The following LOC128092253 variants were observed in gnomAD, a reference collection of about 807,000 sequenced individuals.
At chr6:133,963,923 C>T in the LOC128092253 span, among the ~76,000 whole-genome samples, 15 of 150,954 alleles carry the variant, frequency 9.9e-5, no homozygotes, top group Non-Finnish European at 2.1e-4. Flanking sequence ...CGCCTGTAGT[C>T]GCAGCTACTC....
chr6:133,975,172 A>T, the LOC128092253 span, among the ~76,000 whole-genome samples: 1 of 152,196 alleles, frequency 6.6e-6, no homozygotes, highest in South Asian at 2.1e-4. Flanking sequence ...GTGGAAAAAA[A>T]GCAAGATTGA....
the LOC128092253 span, among the ~76,000 whole-genome samples, chr6:133,967,647 C>A: frequency 2.0e-5 from 3 of 152,086 alleles, no homozygotes; most frequent in Non-Finnish European, 4.4e-5. Flanking sequence ...GTACTGTAGG[C>A]AGTTGTAACA....
the LOC128092253 span, among the ~76,000 whole-genome samples, chr6:133,976,229 G>T: frequency 6.6e-6 from 1 of 151,984 alleles, no homozygotes; most frequent in Non-Finnish European, 1.5e-5. Flanking sequence ...AGAATTAAAC[G>T]AAATAATTTG....
chr6:133,978,539 A>G, the LOC128092253 span, among the ~76,000 whole-genome samples: 10 of 152,298 alleles, frequency 6.6e-5, no homozygotes, highest in East Asian at 1.3e-3. Flanking sequence ...ATCAGTTCCT[A>G]TTGTCACCCC....
chr6:133,954,526 CT>C, the LOC128092253 span, among the ~76,000 whole-genome samples: 17 of 152,194 alleles, frequency 1.1e-4, no homozygotes, highest in African/African-American at 4.1e-4. Flanking sequence ...TATGTTACCT[CT>C]TTAGTCTTAC....
the LOC128092253 span, chr6:133,979,998 A>G: frequency 2.0e-5 from 21 of 1,052,504 alleles, no homozygotes; most frequent in East Asian, 6.4e-4. Flanking sequence ...ATATAGATTC[A>G]TTTTTTACAT....
chr6:133,954,510 T>G, the LOC128092253 span, among the ~76,000 whole-genome samples: 1 of 152,376 alleles, frequency 6.6e-6, no homozygotes, highest in African/African-American at 2.4e-5. Context: ...CAGTGAAATA[T>G]CAGTTTATGT....
chr6:133,969,734 AG>A, the LOC128092253 span, among the ~76,000 whole-genome samples: 6 of 152,202 alleles, frequency 3.9e-5, no homozygotes, highest in Admixed American at 2.6e-4. Flanking sequence ...AACAAGTTCA[AG>A]GTTTTCAACT....
the LOC128092253 span, among the ~76,000 whole-genome samples, chr6:133,962,905 G>C: frequency 6.6e-6 from 1 of 152,220 alleles, no homozygotes; most frequent in African/African-American, 2.4e-5. Flanking sequence ...TTAAGGAACA[G>C]ACAGAGAAGT....
the LOC128092253 span, among the ~76,000 whole-genome samples, chr6:133,963,910 G>A: frequency 2.0e-5 from 3 of 151,564 alleles, no homozygotes; most frequent in African/African-American, 4.8e-5. Flanking sequence ...GCGTGGTGGC[G>A]GGCGCCTGTA....
chr6:133,954,159 C>T, the LOC128092253 span, among the ~76,000 whole-genome samples: 7 of 152,196 alleles, frequency 4.6e-5, no homozygotes, highest in Non-Finnish European at 8.8e-5. Flanking sequence ...TCAATGTGCT[C>T]ATTGCAATAA....
chr6:133,957,928 G>C, the LOC128092253 span, among the ~76,000 whole-genome samples: 1 of 152,190 alleles, frequency 6.6e-6, no homozygotes, highest in African/African-American at 2.4e-5. Flanking sequence ...TGGATGCTTT[G>C]TTTCTTTGGT....
the LOC128092253 span, among the ~76,000 whole-genome samples, chr6:133,960,469 G>A: frequency 4.1e-5 from 6 of 145,926 alleles, no homozygotes; most frequent in Admixed American, 2.1e-4. Flanking sequence ...CTCCTTGGCT[G>A]TGGCCAGTAA....
chr6:133,974,681 AT>A, the LOC128092253 span, among the ~76,000 whole-genome samples: 2 of 152,228 alleles, frequency 1.3e-5, no homozygotes, highest in Admixed American at 6.5e-5. Flanking sequence ...ATATATTTAC[AT>A]TTTAAATTAT....
the LOC128092253 span, among the ~76,000 whole-genome samples, chr6:133,972,669 A>G: frequency 7.4e-6 from 1 of 135,966 alleles, no homozygotes; most frequent in South Asian, 2.2e-4. Context: ...CTAACCTATT[A>G]TGATCTTGGT....
chr6:133,966,002 A>G, the LOC128092253 span, among the ~76,000 whole-genome samples: 1 of 152,204 alleles, frequency 6.6e-6, no homozygotes, highest in African/African-American at 2.4e-5. Context: ...CCACAGTCAT[A>G]TGGCTAATAA....
At chr6:133,979,786 A>G in the LOC128092253 span, among the ~76,000 whole-genome samples, 483 of 152,170 alleles carry the variant, frequency 3.2e-3, 1 homozygote, top group African/African-American at 0.01. Context: ...AGCTGGGATT[A>G]CAGACATGCA....
chr6:133,970,777 T>A, the LOC128092253 span, among the ~76,000 whole-genome samples: 1 of 152,094 alleles, frequency 6.6e-6, no homozygotes, highest in South Asian at 2.1e-4. Context: ...ATTTTAAAAT[T>A]TGTTGTAGAA....
the LOC128092253 span, among the ~76,000 whole-genome samples, chr6:133,961,348 A>G: frequency 6.6e-6 from 1 of 152,036 alleles, no homozygotes; most frequent in Non-Finnish European, 1.5e-5. Context: ...GTAGACACTT[A>G]TAACACCAAC....
Sources: gnomAD v4.1 joint callset for allele counts (sites outside exome capture counted in the v4.1 genomes callset) on GRCh38, gnomAD v4.1.1 for gene constraint, MANE v1.5 for transcripts.